Variants in SETD5 observed in about 807,000 individuals in gnomAD.
SETD5 encodes SET domain containing 5.
A neutral mutation model predicts 153.3 loss-of-function variants in SETD5; 44 were observed. The observed-to-expected ratio is 0.29, with a 90% CI of 0.23 to 0.37. SETD5 has a LOEUF of 0.37. Among genes scored for constraint, SETD5 ranks in the 10% least tolerant of loss-of-function variants. The probability of loss-of-function intolerance (pLI) is 1.00; values close to 1 mark genes in which losing one functional copy is unlikely to be tolerated. For synonymous variants in SETD5, 716 were observed against 645.2 expected, an observed-to-expected ratio of 1.11 and a Z score of -1.66; for missense variants, 1,544 against 1,768.0, an observed-to-expected ratio of 0.87 and a Z score of 2.27.
intron 1 of SETD5, among the ~76,000 whole-genome samples, chr3:9,421,463 C>T (rs1374055376): frequency 6.6e-6 from 1 of 151,968 alleles, no homozygotes; most frequent in East Asian, 1.9e-4. Flanking sequence ...TCCTAGCATA[C>T]TTTTCTTCTC....
At chr3:9,403,415 A>G (rs1433778593) in intron 1 of SETD5, among the ~76,000 whole-genome samples, 1 of 152,210 alleles carries the variant, frequency 6.6e-6, no homozygotes, top group Non-Finnish European at 1.5e-5. Context: ...AACACATTGT[A>G]ATACAATGTG....
chr3:9,414,080 C>T (rs1156257342), intron 1 of SETD5, among the ~76,000 whole-genome samples: 1 of 152,060 alleles, frequency 6.6e-6, no homozygotes, highest in Non-Finnish European at 1.5e-5. Context: ...TGGCCAAGAC[C>T]TAGAAGTTTT....
intron 20 of SETD5, among the ~76,000 whole-genome samples, 178 bp downstream of exon 20, chr3:9,473,715 C>G (rs751740280): frequency 6.6e-6 from 1 of 152,194 alleles, no homozygotes; most frequent in East Asian, 1.9e-4. Flanking sequence ...TGCAACCCCC[C>G]AGCTTTGCAG....
At chr3:9,444,896 G>T (rs894466309) in intron 11 of SETD5, among the ~76,000 whole-genome samples, 152 bp from the exon 12 acceptor site, 2 of 152,090 alleles carry the variant, frequency 1.3e-5, no homozygotes, top group Non-Finnish European at 2.9e-5. Context: ...AAAAACAAAA[G>T]TATTTATAGG....
intron 17 of SETD5, among the ~76,000 whole-genome samples, chr3:9,463,520 T>C (rs1294081311): frequency 6.6e-6 from 1 of 152,242 alleles, no homozygotes; most frequent in African/African-American, 2.4e-5. Flanking sequence ...ATATTTAGTG[T>C]AGTGACTTGC....
intron 9 of SETD5, 38 bp downstream of exon 9, chr3:9,441,779 G>A (rs2041321261): frequency 1.2e-6 from 2 of 1,612,640 alleles, no homozygotes; most frequent in Non-Finnish European, 1.7e-6. Context: ...GGGCTAAGGT[G>A]GACCTGGTTG....
intron 2 of SETD5, among the ~76,000 whole-genome samples, chr3:9,428,169 T>G (rs2039541413): frequency 6.6e-6 from 1 of 152,162 alleles, no homozygotes; most frequent in Admixed American, 6.6e-5. Flanking sequence ...GGTTTATATT[T>G]TTGTTCATAT....
intron 1 of SETD5, among the ~76,000 whole-genome samples, chr3:9,423,899 AT>A: frequency 6.6e-6 from 1 of 152,280 alleles, no homozygotes; most frequent in South Asian, 2.1e-4. Flanking sequence ...TTTAAGCGCC[AT>A]TTTTTAAGCA....
chr3:9,470,756 G>T lies in SETD5; in HGVS notation c.3022G>T (p.Asp1008Tyr), dbSNP rs769404219. ...GLYRGSPLVGDRKPLHLDGGY... is the reference protein window; with the variant it reads ...GLYRGSPLVGYRKPLHLDGGY... ...GTATCGAGGATCTCCTCTAGTGGGGGATAGGAAGCCTTTACATTTGGATGG... is the reference window on the plus strand; with the variant it reads ...GTATCGAGGATCTCCTCTAGTGGGGTATAGGAAGCCTTTACATTTGGATGG... The change falls in exon 19 of 23, where the codon GAT (aspartate) becomes TAT (tyrosine). Residue 1008 changes from aspartate (D) to tyrosine (Y), a missense_variant. Asp to Tyr is a radical substitution (Grantham distance 160). Around this residue, in one of 9 missense-constraint regions of SETD5, gnomAD observed 782 missense variants for 787.2 expected, o/e 0.99. Transcript: ENST00000402198. The T allele has an allele frequency of 1.9e-6, 3 of 1,614,014 alleles. No homozygotes were observed. The highest frequency in any genetic ancestry group is 1.7e-6 in the Non-Finnish European group (2 of 1,179,892).
intron 1 of SETD5, among the ~76,000 whole-genome samples, chr3:9,409,178 A>G (rs1346423776): frequency 3.3e-5 from 5 of 152,154 alleles, no homozygotes; most frequent in African/African-American, 2.4e-5. Flanking sequence ...ACCCTTTTTG[A>G]GAATCACTGG....
chr3:9,444,220 A>G (rs1451643144), intron 11 of SETD5, among the ~76,000 whole-genome samples: 1 of 152,248 alleles, frequency 6.6e-6, no homozygotes, highest in Non-Finnish European at 1.5e-5. Context: ...GGCAATTCAT[A>G]GATGAATATG....
chr3:9,470,393 C>A, intron 18 of SETD5, 66 bp from the exon 19 acceptor site: 1 of 1,240,422 alleles, frequency 8.1e-7, no homozygotes, highest in South Asian at 1.4e-5. Flanking sequence ...CTCTCCCCTC[C>A]TTTCTGCCCT....
rs1354545020 is a variant in SETD5, at chr3:9,477,831, G to A, written c.*1740G>A. On this transcript the variant is annotated 3_prime_UTR_variant, in exon 23 of 23. Coordinates refer to ENST00000402198, the MANE Select transcript of SETD5 (RefSeq NM_001080517.3). ...GGTTTCTTTGTATATTATATAAAACGTATGTAAATGTCTCTCCATTTGGGC... is the reference window on the plus strand; with the variant it reads ...GGTTTCTTTGTATATTATATAAAACATATGTAAATGTCTCTCCATTTGGGC... 2 of 152,414 alleles carry A rather than the reference G, an allele frequency of 1.3e-5. No homozygotes were observed. Among genetic ancestry groups the A allele is most frequent in the African/African-American group, 2.4e-5 (1 of 41,440 alleles). The allele number at this position is 152,414 out of a possible 1,614,324, so 9.4% of individuals were successfully genotyped here. A position where few individuals can be genotyped will look rare whatever the true frequency, so the allele number is the denominator to read the frequency against.
At chr3:9,445,001 A>G (rs767655047) in intron 11 of SETD5, 47 bp from the exon 12 acceptor site, 2 of 1,585,186 alleles carry the variant, frequency 1.3e-6, no homozygotes, top group East Asian at 2.2e-5. Context: ...ATGTAACTGA[A>G]TTTCAAGGGT....
chr3:9,446,416 C>G (rs2042015608), intron 13 of SETD5, among the ~76,000 whole-genome samples: 1 of 150,964 alleles, frequency 6.6e-6, no homozygotes. Flanking sequence ...TTTTTAAACC[C>G]TTTTAGTCAT....
chr3:9,423,698 TA>T (rs2124953501), intron 1 of SETD5, among the ~76,000 whole-genome samples: 1 of 152,340 alleles, frequency 6.6e-6, no homozygotes, highest in Non-Finnish European at 1.5e-5. Flanking sequence ...AACATCAACA[TA>T]AATGAAATGC....
intron 1 of SETD5, among the ~76,000 whole-genome samples, chr3:9,409,397 T>C (rs2036212987): frequency 6.6e-6 from 1 of 152,148 alleles, no homozygotes; most frequent in African/African-American, 2.4e-5. Context: ...GTGAATGAAG[T>C]ATTATTATTG....
Position 9,475,689 on chromosome 3 carries a change from C to G in SETD5, c.3927C>G (p.Asp1309Glu), listed in dbSNP as rs1457509019. The change falls in exon 23 of 23, where the codon GAC (aspartate) becomes GAG (glutamate). Residue 1309 changes from aspartate (D) to glutamate (E), a missense_variant. This residue lies in a region of SETD5 where 302 missense variants were observed against 277.6 expected (regional missense o/e 1.09). Coordinates refer to ENST00000402198, the MANE Select transcript of SETD5 (RefSeq NM_001080517.3). The stretch of plus-strand genomic sequence containing the variant: ...GCCCCGCCCACCCTGTGTCCACAGA[C>G]TCGTTGGCCCCATTTACGGGGACAC... ...YSSPAHPVST[D>E]SLAPFTGTPG... The G allele has an allele frequency of 6.2e-7, 1 of 1,613,894 alleles. No individual in the cohort carries two copies. Among genetic ancestry groups the G allele is most frequent in the East Asian group, 2.2e-5 (1 of 44,882 alleles).
intron 13 of SETD5, among the ~76,000 whole-genome samples, chr3:9,446,130 AC>A (rs1414878768): frequency 6.6e-6 from 1 of 151,450 alleles, no homozygotes; most frequent in Non-Finnish European, 1.5e-5. Flanking sequence ...TACTAAAAAT[AC>A]AAAAAATTAG....
Sources: gnomAD v4.1 joint callset for allele counts (sites outside exome capture counted in the v4.1 genomes callset) on GRCh38, gnomAD v4.1.1 for gene constraint, gnomAD v4.1.1 regional missense constraint, MANE v1.5 for transcripts, NCBI Gene and HGNC (gene_info 2026-07-23, HGNC 2026-07-21) for gene names.